Variants in MCUB observed in about 807,000 individuals in gnomAD.
MCUB encodes the protein calcium uniporter regulatory subunit MCUb, mitochondrial.
Under a neutral mutation model 41.4 loss-of-function variants are expected in MCUB, and 46 were observed. The ratio of observed to expected loss-of-function variants is 1.11; its 90% CI spans 0.88 to 1.42. The LOEUF (loss-of-function observed/expected upper bound fraction) is 1.42, where lower values mean the gene tolerates loss of function less well. MCUB is among the 40% of genes most tolerant of loss of function. MCUB has a pLI of 0.00. For synonymous variants in MCUB, 148 were observed against 148.2 expected (o/e 1.00, Z 0.01); for missense variants, 403 against 404.9 (o/e 1.00, Z 0.04).
intron 1 of MCUB, among the ~76,000 whole-genome samples, chr4:109,619,481 G>A (rs973839319): frequency 2.6e-5 from 4 of 152,274 alleles, no homozygotes; most frequent in African/African-American, 9.6e-5. Context: ...GTTGAGGCAG[G>A]CAGATCATGA....
chr4:109,610,122 G>C (rs1197615269), intron 1 of MCUB, among the ~76,000 whole-genome samples: 2 of 152,134 alleles, frequency 1.3e-5, no homozygotes, highest in Non-Finnish European at 2.9e-5. Flanking sequence ...AGGGTCTTCG[G>C]TCAGCTCATG....
intron 1 of MCUB, among the ~76,000 whole-genome samples, chr4:109,572,594 A>G (rs545447038): frequency 6.6e-6 from 1 of 152,256 alleles, no homozygotes; most frequent in South Asian, 2.1e-4. Flanking sequence ...ATCATAACTG[A>G]CACTAATTCA....
intron 4 of MCUB, among the ~76,000 whole-genome samples, chr4:109,679,137 G>A (rs538110073): frequency 1.3e-4 from 20 of 150,008 alleles, no homozygotes; most frequent in Admixed American, 9.9e-4. Flanking sequence ...CGGGATGGCC[G>A]GGCAGAGGTG....
intron 1 of MCUB, among the ~76,000 whole-genome samples, chr4:109,609,970 C>T (rs766016451): frequency 5.3e-5 from 8 of 152,150 alleles, no homozygotes; most frequent in Admixed American, 3.9e-4. Context: ...TGCAGCTAAG[C>T]TGGCACTCAA....
Position 109,560,371 on chromosome 4 carries a change from C to T in MCUB, c.34C>T (p.Arg12Trp). ...GAGGGGCCTCTGGCCGTGGCGCACGCGGCTGCTGCCGACCCCTGGCACCTG... is the reference window on the plus strand; with the variant it reads ...GAGGGGCCTCTGGCCGTGGCGCACGTGGCTGCTGCCGACCCCTGGCACCTG... ...LQRGLWPWRT[R>W]LLPTPGTWRP... Residue 12 changes from arginine to tryptophan, a missense_variant, in exon 1 of 8, where the codon CGG becomes TGG. Transcript: ENST00000394650. The T allele has an allele frequency of 7.5e-7, 1 of 1,326,526 alleles. No homozygotes were observed. Among genetic ancestry groups the T allele is most frequent in the Non-Finnish European group, 9.6e-7 (1 of 1,038,392 alleles). 82.2% of individuals were successfully genotyped at this position (1,326,526 alleles called of 1,614,324 possible).
chr4:109,663,147 G>A (rs1729263668), intron 3 of MCUB, among the ~76,000 whole-genome samples: 1 of 152,138 alleles, frequency 6.6e-6, no homozygotes, highest in African/African-American at 2.4e-5. Context: ...AAAATAGCTC[G>A]GGTTGAATGT....
intron 1 of MCUB, among the ~76,000 whole-genome samples, chr4:109,599,641 G>A (rs759070290): frequency 2.2e-4 from 33 of 151,734 alleles, no homozygotes; most frequent in African/African-American, 2.9e-4. Context: ...CTGGCCAAAC[G>A]TATACCTTTT....
Position 109,561,835 on chromosome 4 carries a change from G to T in MCUB, c.99+1399G>T, listed in dbSNP as rs143667216. 4.3e-3 allele frequency among the ~76,000 whole-genome samples: 654 copies of T among 152,136 alleles called. 30 individuals carry two copies. The East Asian group carries it at 0.059, about 14-fold the overall frequency. ...GCGATCTCGGCTCACTGCAACTTCC[G>T]CCTCCTGGGTTCAAGCGATTCTCCT... On this transcript the variant is annotated intron_variant, in intron 1 of 7. Transcript: ENST00000394650.
rs541358386 is a variant in MCUB at position 109,612,933 on chromosome 4, C to T, written c.100-46078C>T. On this transcript the variant is annotated intron_variant, in intron 1 of 7. Transcript: ENST00000394650. ...CATCCTGGCTAACACGGTGAAATCC[C>T]GTCTCTACTAAAAATATAAAAAATT... is the stretch of plus-strand genomic sequence containing the variant. Among the ~76,000 whole-genome samples, 1,240 of 152,056 alleles carry T rather than the reference C, an allele frequency of 8.2e-3. 15 individuals are homozygous for T. Among genetic ancestry groups the T allele is most frequent in the African/African-American group, 0.025 (1,045 of 41,484 alleles).
chr4:109,601,635 T>C (rs115401628), intron 1 of MCUB, among the ~76,000 whole-genome samples: 6,309 of 152,300 alleles, frequency 0.041, 429 homozygotes, highest in African/African-American at 0.14. Flanking sequence ...TTTATTCATC[T>C]GTTGATGGAC....
At chr4:109,638,625 CA>C (rs1348874278) in intron 1 of MCUB, among the ~76,000 whole-genome samples, 2 of 152,078 alleles carry the variant, frequency 1.3e-5, no homozygotes, top group Admixed American at 1.3e-4. Context: ...TTGCTGCATC[CA>C]CCAACTATTC....
At chr4:109,685,649 T>A (rs1729823558) in intron 7 of MCUB, among the ~76,000 whole-genome samples, 2 of 152,162 alleles carry the variant, frequency 1.3e-5, no homozygotes, top group Admixed American at 6.5e-5. Flanking sequence ...TCTAAGCAAA[T>A]AATAAAAAAT....
intron 1 of MCUB, among the ~76,000 whole-genome samples, chr4:109,615,622 G>T (rs567067470): frequency 6.6e-6 from 1 of 151,990 alleles, no homozygotes; most frequent in East Asian, 1.9e-4. Flanking sequence ...TATTAGCCAG[G>T]ATGGTCTCGA....
intron 4 of MCUB, among the ~76,000 whole-genome samples, chr4:109,672,246 A>G (rs547812612): frequency 1.1e-4 from 16 of 152,264 alleles, no homozygotes; most frequent in Non-Finnish European, 2.2e-4. Context: ...GTTTCCTATT[A>G]TGGAGGACAT....
chr4:109,597,777 A>T (rs866772762), intron 1 of MCUB, among the ~76,000 whole-genome samples: 3,408 of 149,278 alleles, frequency 0.023, 105 homozygotes, highest in South Asian at 0.067. Flanking sequence ...TGCCGGGCGG[A>T]GAGGCTCCTC....
At chr4:109,679,128 G>A (rs1430136361) in intron 4 of MCUB, among the ~76,000 whole-genome samples, 3 of 149,254 alleles carry the variant, frequency 2.0e-5, no homozygotes, top group South Asian at 4.3e-4. Context: ...CCTCCCAGAC[G>A]GGATGGCCGG....
At chr4:109,615,460 C>T (rs1359985828) in intron 1 of MCUB, among the ~76,000 whole-genome samples, 4 of 148,742 alleles carry the variant, frequency 2.7e-5, no homozygotes, top group Non-Finnish European at 5.9e-5. Context: ...GGCTGGAGTG[C>T]AGTGGTGCGA....
intron 1 of MCUB, among the ~76,000 whole-genome samples, chr4:109,613,457 AC>A (rs1370716815): frequency 6.6e-6 from 1 of 152,206 alleles, no homozygotes; most frequent in East Asian, 1.9e-4. Context: ...GCATTCAGTT[AC>A]TTATAGGGGA....
rs1286998346 is a variant in MCUB at position 109,660,307 on chromosome 4, C to T, written c.288C>T (p.Phe96=). 2 of 1,606,870 alleles carry T rather than the reference C, an allele frequency of 1.2e-6. No homozygotes were observed. Among genetic ancestry groups the T allele is most frequent in the Admixed American group, 1.7e-5 (1 of 59,946 alleles). Residue 96 remains phenylalanine (F), a synonymous_variant, in exon 3 of 8, where the codon TTC becomes TTT. Coordinates refer to ENST00000394650, the MANE Select transcript of MCUB (RefSeq NM_017918.5). ...VKPMLSTVGS[F]LQDLQNEDKG... Reference sequence around the variant, plus strand: ...CAATGTTGTCAACAGTTGGTTCATTCCTTCAGGACCTACAAAATGAAGATA... The same window carrying T: ...CAATGTTGTCAACAGTTGGTTCATTTCTTCAGGACCTACAAAATGAAGATA...
Sources: allele counts gnomAD v4.1 joint callset (sites outside exome capture counted in the v4.1 genomes callset), GRCh38; gene constraint gnomAD v4.1.1; transcripts MANE v1.5; gene names NCBI Gene and HGNC (gene_info 2026-07-23, HGNC 2026-07-21).